NUDCD1: variants seen among roughly 807,000 people sequenced by gnomAD.
NUDCD1 encodes NudC domain containing 1.
A neutral mutation model predicts 67.8 loss-of-function variants in NUDCD1; 60 were observed. The ratio of observed to expected loss-of-function variants is 0.88; its 90% CI spans 0.72 to 1.10. The LOEUF is 1.10. Ranked by LOEUF, NUDCD1 falls within the 50% of genes least tolerant of loss-of-function variation. The probability of loss-of-function intolerance (pLI) is 0.00; values close to 1 mark genes in which losing one functional copy is unlikely to be tolerated. For synonymous variants in NUDCD1, 244 were observed against 230.8 expected, an observed-to-expected ratio of 1.06 and a Z score of -0.52; for missense variants, 643 against 695.0, an observed-to-expected ratio of 0.93 and a Z score of 0.84.
chr8:109,280,299 A>C (rs1052633921), intron 6 of NUDCD1, among the ~76,000 whole-genome samples: 1 of 152,190 alleles, frequency 6.6e-6, no homozygotes, highest in African/African-American at 2.4e-5. Context: ...AATTGTGTAA[A>C]GTATGTGTCA....
chr8:109,251,153 A>G (rs963515697), intron 8 of NUDCD1, among the ~76,000 whole-genome samples: 1 of 151,356 alleles, frequency 6.6e-6, no homozygotes, highest in African/African-American at 2.4e-5. Flanking sequence ...ATAACTAATA[A>G]GGTCTCATCT....
chr8:109,305,340 C>A (rs573524195), intron 2 of NUDCD1, among the ~76,000 whole-genome samples: 1 of 152,244 alleles, frequency 6.6e-6, no homozygotes, highest in African/African-American at 2.4e-5. Flanking sequence ...CTCAGTTTGG[C>A]CTTCCCACCT....
intron 2 of NUDCD1, among the ~76,000 whole-genome samples, chr8:109,306,730 C>T (rs1815116863): frequency 1.4e-5 from 2 of 144,072 alleles, no homozygotes; most frequent in Admixed American, 7.4e-5. Flanking sequence ...TTCTTTTATT[C>T]AGAGCTTGTG....
intron 5 of NUDCD1, among the ~76,000 whole-genome samples, chr8:109,287,890 A>G (rs1814612726): frequency 6.6e-6 from 1 of 152,204 alleles, no homozygotes; most frequent in Non-Finnish European, 1.5e-5. Context: ...TGTTGAATGT[A>G]TACAAACACC....
At chr8:109,268,744 T>G (rs1231918151) in intron 8 of NUDCD1, among the ~76,000 whole-genome samples, 1 of 152,148 alleles carries the variant, frequency 6.6e-6, no homozygotes, top group African/African-American at 2.4e-5. Context: ...ACAAATAATC[T>G]CCAGTTAAGT....
At chr8:109,277,973 T>C (rs1814336142) in intron 6 of NUDCD1, among the ~76,000 whole-genome samples, 1 of 152,224 alleles carries the variant, frequency 6.6e-6, no homozygotes, top group South Asian at 2.1e-4. Flanking sequence ...AGATACCTTT[T>C]ACAACTTCAA....
At chr8:109,279,819 A>G (rs1814389715) in intron 6 of NUDCD1, among the ~76,000 whole-genome samples, 1 of 151,794 alleles carries the variant, frequency 6.6e-6, no homozygotes, top group South Asian at 2.1e-4. Flanking sequence ...TTTAGTTGAG[A>G]CGGGGTTTCA....
intron 5 of NUDCD1, 125 bp downstream of exon 5, chr8:109,289,626 G>C: frequency 9.4e-6 from 5 of 531,188 alleles, no homozygotes; most frequent in Non-Finnish European, 6.5e-6. Context: ...AAATACATGA[G>C]AAAATAAAGA....
chr8:109,243,374 T>A (rs1003032830), intron 9 of NUDCD1, 73 bp from the exon 10 acceptor site: 17 of 1,224,210 alleles, frequency 1.4e-5, no homozygotes, highest in Non-Finnish European at 1.9e-5. Context: ...GATTTAACAT[T>A]TAATATTTTG....
intron 8 of NUDCD1, among the ~76,000 whole-genome samples, chr8:109,270,088 T>G (rs62512101): frequency 0.61 from 3,707 of 6,114 alleles, 693 homozygotes; most frequent in Non-Finnish European, 0.63. Context: ...GGGGGTGCCT[T>G]AAGGTGGGGT....
At chr8:109,314,578 ATT>A (rs933086191) in intron 2 of NUDCD1, among the ~76,000 whole-genome samples, 1 of 152,050 alleles carries the variant, frequency 6.6e-6, no homozygotes, top group African/African-American at 2.4e-5. Context: ...ACTTCTGAAG[ATT>A]TTCTAAATAA....
rs1232557838 is a variant in NUDCD1, at chr8:109,243,180, G to A, written c.1581C>T (p.Ser527=). The change falls in exon 10 of 10, where the codon TCC becomes TCT. Residue 527 remains serine, a synonymous_variant. Transcript: ENST00000239690. ...CTTCCTTTCTGTTGTAAAGTACAGT[G>A]GACATGGGAGCAGGCTGACGATAGA... ...VFIYRQPAPM[S]TVLYNRKEGR... The A allele has an allele frequency of 1.2e-6, 2 of 1,613,690 alleles. No homozygotes were observed. The highest frequency in any genetic ancestry group is 1.3e-5 in the African/African-American group (1 of 74,870).
intron 2 of NUDCD1, among the ~76,000 whole-genome samples, chr8:109,313,236 C>A (rs2130104563): frequency 6.6e-6 from 1 of 152,264 alleles, no homozygotes; most frequent in South Asian, 2.1e-4. Flanking sequence ...GTATCTTTGT[C>A]TGGAGAGCAT....
At chr8:109,280,606 A>T (rs946701409) in intron 6 of NUDCD1, among the ~76,000 whole-genome samples, 1 of 152,228 alleles carries the variant, frequency 6.6e-6, no homozygotes, top group Non-Finnish European at 1.5e-5. Context: ...TATATTTAAA[A>T]TTTTAAAGAA....
chr8:109,281,426 T>A (rs917014442), intron 5 of NUDCD1, among the ~76,000 whole-genome samples: 3 of 152,064 alleles, frequency 2.0e-5, no homozygotes, highest in Non-Finnish European at 4.4e-5. Context: ...ATGATAGCAA[T>A]CCTTTATCCT....
intron 5 of NUDCD1, among the ~76,000 whole-genome samples, chr8:109,282,317 T>C (rs1218260059): frequency 6.6e-6 from 1 of 152,064 alleles, no homozygotes; most frequent in Non-Finnish European, 1.5e-5. Context: ...TGGCTGTTAC[T>C]AACAAGCACC....
At chr8:109,284,339 G>T (rs1461263440) in intron 5 of NUDCD1, among the ~76,000 whole-genome samples, 1 of 152,042 alleles carries the variant, frequency 6.6e-6, no homozygotes, top group African/African-American at 2.4e-5. Context: ...ACAATAGTGG[G>T]GAACTTCAAC....
At chr8:109,302,258 C>A (rs1815006879) in intron 2 of NUDCD1, among the ~76,000 whole-genome samples, 1 of 152,180 alleles carries the variant, frequency 6.6e-6, no homozygotes, top group African/African-American at 2.4e-5. Flanking sequence ...CTCCATCATA[C>A]AAGATCTAGA....
intron 8 of NUDCD1, among the ~76,000 whole-genome samples, chr8:109,262,117 A>C (rs1422108506): frequency 1.3e-5 from 2 of 152,348 alleles, no homozygotes; most frequent in African/African-American, 4.8e-5. Context: ...AAGAAAAAGA[A>C]AATTTAAATA....
Sources: allele counts gnomAD v4.1 joint callset (sites outside exome capture counted in the v4.1 genomes callset), GRCh38; gene constraint gnomAD v4.1.1; transcripts MANE v1.5; gene names NCBI Gene and HGNC (gene_info 2026-07-23, HGNC 2026-07-21).